Variants in NRP2 observed in about 807,000 individuals in gnomAD.
NRP2 encodes the protein neuropilin-2.
A neutral mutation model predicts 110.4 loss-of-function variants in NRP2; 52 were observed. The observed-to-expected ratio is 0.47, with a 90% CI of 0.38 to 0.59. NRP2 has a LOEUF of 0.59. Ranked by LOEUF, NRP2 falls within the 20% of genes least tolerant of loss-of-function variation. The probability of loss-of-function intolerance (pLI) is 0.00; values close to 1 mark genes in which losing one functional copy is unlikely to be tolerated. For missense variants in NRP2, 1,049 were observed against 1,203.0 expected (o/e 0.87, Z 1.89); for synonymous variants, 508 against 468.9 (o/e 1.08, Z -1.08).
intron 16 of NRP2, among the ~76,000 whole-genome samples, chr2:205,793,564 A>G (rs2058324132): frequency 6.6e-6 from 1 of 152,184 alleles, no homozygotes; most frequent in African/African-American, 2.4e-5. Flanking sequence ...TAAGATCAAC[A>G]TGTGGACAGG....
At chr2:205,683,719 T>A (rs11678440) in intron 1 of NRP2, among the ~76,000 whole-genome samples, 1 of 152,016 alleles carries the variant, frequency 6.6e-6, no homozygotes, top group African/African-American at 2.4e-5. Context: ...GCAGAACACA[T>A]CTCCCTTGAG....
At chr2:205,727,765 G>T (rs1201225129) in intron 6 of NRP2, 126 bp from the exon 7 acceptor site, 4 of 882,396 alleles carry the variant, frequency 4.5e-6, no homozygotes, top group Non-Finnish European at 5.1e-6. Context: ...CTAATTACAA[G>T]TATGTCTCAG....
At chr2:205,792,381 A>T (rs913550751) in intron 16 of NRP2, 96 bp downstream of exon 16, 2 of 827,404 alleles carry the variant, frequency 2.4e-6, no homozygotes, top group Admixed American at 1.8e-5. Context: ...GAGGGCCCAA[A>T]TCTAGAACTA....
At chr2:205,723,117 A>G (rs981696333) in intron 4 of NRP2, among the ~76,000 whole-genome samples, 2 of 152,150 alleles carry the variant, frequency 1.3e-5, no homozygotes, top group South Asian at 4.2e-4. Flanking sequence ...CCCTTACCCT[A>G]TCTGTGCCTT....
chr2:205,768,169 C>T (rs1280954356), intron 15 of NRP2: 1 of 152,248 alleles, frequency 6.6e-6, no homozygotes, highest in Non-Finnish European at 1.5e-5. Context: ...TGCCCACTCC[C>T]TGTACCACAG....
intron 15 of NRP2, chr2:205,776,595 T>A (rs1405263883): frequency 6.3e-7 from 1 of 1,598,950 alleles, no homozygotes; most frequent in Non-Finnish European, 8.5e-7. Flanking sequence ...GATTTTGCAC[T>A]TTTTTCTCCT....
chr2:205,752,772 C>T, intron 11 of NRP2, 63 bp from the exon 12 acceptor site: 1 of 1,573,984 alleles, frequency 6.4e-7, no homozygotes, highest in South Asian at 1.1e-5. Flanking sequence ...AATAGTACCA[C>T]TGTGGCTGTT....
At chr2:205,755,922 G>A (rs538761114) in intron 12 of NRP2, among the ~76,000 whole-genome samples, 5 of 152,300 alleles carry the variant, frequency 3.3e-5, no homozygotes, top group South Asian at 4.1e-4. Flanking sequence ...GGAGCTAGCC[G>A]TGTTGAAGTA....
At chr2:205,773,252 C>T (rs2058049846) in intron 15 of NRP2, among the ~76,000 whole-genome samples, 1 of 152,352 alleles carries the variant, frequency 6.6e-6, no homozygotes, top group African/African-American at 2.4e-5. Flanking sequence ...TTCTGAGAAA[C>T]TTCTAGCCCC....
At chr2:205,753,072 C>G in intron 12 of NRP2, 97 bp downstream of exon 12, 2 of 1,477,842 alleles carry the variant, frequency 1.4e-6, no homozygotes, top group Non-Finnish European at 1.9e-6. Flanking sequence ...AACTTCCCAC[C>G]GCACAGCAAT....
chr2:205,699,537 G>C (rs909755501), intron 2 of NRP2, among the ~76,000 whole-genome samples: 1 of 152,212 alleles, frequency 6.6e-6, no homozygotes, highest in African/African-American at 2.4e-5. Flanking sequence ...AAACTTAGGA[G>C]CTAGTAAGCA....
At chr2:205,746,883 C>T (rs748450144) in intron 10 of NRP2, among the ~76,000 whole-genome samples, 5 of 152,186 alleles carry the variant, frequency 3.3e-5, no homozygotes, top group Admixed American at 6.5e-5. Context: ...TTGAGGCACA[C>T]GGGCTGGGAA....
At chr2:205,750,455 G>A (rs1004485888) in intron 11 of NRP2, among the ~76,000 whole-genome samples, 3 of 152,164 alleles carry the variant, frequency 2.0e-5, no homozygotes, top group Non-Finnish European at 4.4e-5. Flanking sequence ...ATCTTCAACC[G>A]TTCCCTCAAA....
intron 2 of NRP2, among the ~76,000 whole-genome samples, chr2:205,708,383 C>T (rs1172433582): frequency 2.0e-5 from 3 of 152,368 alleles, no homozygotes; most frequent in Non-Finnish European, 2.9e-5. Flanking sequence ...CTCAGGAATG[C>T]GCCTTGCTGG....
intron 1 of NRP2, among the ~76,000 whole-genome samples, chr2:205,685,446 C>A (rs889285267): frequency 6.6e-6 from 1 of 152,308 alleles, no homozygotes; most frequent in East Asian, 1.9e-4. Context: ...GTGCGCCGGC[C>A]GGGAAGGGGG....
At chr2:205,690,175 G>A (rs905180752) in intron 1 of NRP2, among the ~76,000 whole-genome samples, 4 of 152,136 alleles carry the variant, frequency 2.6e-5, no homozygotes, top group Non-Finnish European at 4.4e-5. Context: ...AATAATAATT[G>A]TTTGGATACA....
At chr2:205,791,412 T>C (rs1322049242) in intron 15 of NRP2, among the ~76,000 whole-genome samples, 1 of 152,246 alleles carries the variant, frequency 6.6e-6, no homozygotes, top group Non-Finnish European at 1.5e-5. Context: ...ATGCATTTGA[T>C]GTTCTCTATT....
At chr2:205,765,388 C>G (rs1575651031) in intron 13 of NRP2, 86 bp from the exon 14 acceptor site, 1 of 1,081,272 alleles carries the variant, frequency 9.2e-7, no homozygotes, top group East Asian at 2.4e-5. Context: ...ACGCTTTAAG[C>G]TGCAGCTAAC....
chr2:205,729,776 G>A (rs2057200949), intron 7 of NRP2, among the ~76,000 whole-genome samples: 1 of 152,142 alleles, frequency 6.6e-6, no homozygotes, highest in Non-Finnish European at 1.5e-5. Context: ...TTTATCCCTG[G>A]TATTCATTCT....
Sources: gnomAD v4.1 joint callset for allele counts (sites outside exome capture counted in the v4.1 genomes callset) on GRCh38, gnomAD v4.1.1 for gene constraint, MANE v1.5 for transcripts, NCBI Gene and HGNC (gene_info 2026-07-23, HGNC 2026-07-21) for gene names.